The following PDCD6IP variants were observed in gnomAD, a reference collection of about 807,000 sequenced individuals.
PDCD6IP encodes the protein programmed cell death 6 interacting protein.
Under a neutral mutation model 103.7 loss-of-function variants are expected in PDCD6IP, and 43 were observed. That is an observed-to-expected ratio of 0.41 (90% CI 0.32 to 0.53). PDCD6IP has a LOEUF of 0.53. Ranked by LOEUF, PDCD6IP falls within the 20% of genes least tolerant of loss-of-function variation. PDCD6IP has a pLI of 0.16. For missense variants in PDCD6IP, 871 were observed against 1,036.7 expected (o/e 0.84, Z 2.20); for synonymous variants, 354 against 378.7 (o/e 0.93, Z 0.76).
At chr3:33,825,538 G>A (rs1218298051) in intron 5 of PDCD6IP, among the ~76,000 whole-genome samples, 198 bp downstream of exon 5, 1 of 152,182 alleles carries the variant, frequency 6.6e-6, no homozygotes, top group Non-Finnish European at 1.5e-5. Context: ...TGTGTTTGAA[G>A]TCATGAAATA....
At chr3:33,865,123 G>A (rs1006018534) in intron 16 of PDCD6IP, 120 bp from the exon 17 acceptor site, 6 of 625,150 alleles carry the variant, frequency 9.6e-6, no homozygotes, top group Non-Finnish European at 1.5e-5. Context: ...TTAAGAATGG[G>A]AATTAAAAAT....
chr3:33,824,888 C>T (rs1382539236), intron 4 of PDCD6IP, among the ~76,000 whole-genome samples: 2 of 152,216 alleles, frequency 1.3e-5, no homozygotes, highest in Non-Finnish European at 2.9e-5. Flanking sequence ...CCTCTATTCT[C>T]ATGTTAATTT....
At chr3:33,851,874 C>T (rs961494357) in intron 12 of PDCD6IP, among the ~76,000 whole-genome samples, 1 of 152,164 alleles carries the variant, frequency 6.6e-6, no homozygotes, top group Non-Finnish European at 1.5e-5. Flanking sequence ...CTATTTCTTT[C>T]TCCATCTACC....
chr3:33,810,583 A>G (rs898097572), intron 1 of PDCD6IP, among the ~76,000 whole-genome samples: 14 of 152,208 alleles, frequency 9.2e-5, no homozygotes, highest in Non-Finnish European at 1.9e-4. Context: ...TAGCATATAC[A>G]TTTAGGAAAT....
chr3:33,863,979 A>G (rs11922311), intron 15 of PDCD6IP, 27 bp from the exon 16 acceptor site: 184,506 of 1,508,540 alleles, frequency 0.12, 15,970 homozygotes, highest in East Asian at 0.38. Flanking sequence ...CTATCATGTT[A>G]ATTTTTAACA....
At chr3:33,818,779 A>C (rs1696921899) in intron 3 of PDCD6IP, among the ~76,000 whole-genome samples, 1 of 151,744 alleles carries the variant, frequency 6.6e-6, no homozygotes, top group Non-Finnish European at 1.5e-5. Flanking sequence ...AGCCTCCCAA[A>C]GTGCTGAGAT....
At position 33,869,480 on chromosome 3, in the gene PDCD6IP, T is replaced by G. The variant is rs943994437; in HGVS notation, c.*2955T>G. On this transcript the variant is annotated 3_prime_UTR_variant, in exon 18 of 18. Coordinates refer to ENST00000307296, the MANE Select transcript of PDCD6IP (RefSeq NM_013374.6). Reference sequence around the variant, plus strand: ...GAGCAAAGAAGGAAAAATTATATTTTTAAAGAAAGAGAATATTCAGGCTTT... The same window carrying G: ...GAGCAAAGAAGGAAAAATTATATTTGTAAAGAAAGAGAATATTCAGGCTTT... The G allele has an allele frequency of 1.3e-5, 2 of 152,236 alleles. No homozygotes were observed. The highest frequency in any genetic ancestry group is 4.8e-5 in the African/African-American group (2 of 41,472). 9.4% of individuals were successfully genotyped at this position (152,236 alleles called of 1,614,324 possible).
intron 1 of PDCD6IP, 54 bp downstream of exon 1, chr3:33,798,991 C>T (rs1696401147): frequency 1.4e-6 from 2 of 1,410,236 alleles, no homozygotes; most frequent in African/African-American, 1.4e-5. Context: ...GCTCGCCGCT[C>T]CTCTTCCCGT....
chr3:33,841,727 C>T (rs534711042), intron 9 of PDCD6IP, among the ~76,000 whole-genome samples, 170 bp from the exon 10 acceptor site: 43 of 152,110 alleles, frequency 2.8e-4, no homozygotes, highest in Non-Finnish European at 4.3e-4. Flanking sequence ...CGTGAGCCAC[C>T]GCGCCCGGCC....
chr3:33,833,977 C>T (rs139883990), intron 7 of PDCD6IP, among the ~76,000 whole-genome samples: 1 of 135,960 alleles, frequency 7.4e-6, no homozygotes, highest in Non-Finnish European at 1.7e-5. Context: ...ACCTGTGCTT[C>T]CCTGAATTCC....
At chr3:33,846,960 T>C (rs951213205) in intron 12 of PDCD6IP, among the ~76,000 whole-genome samples, 5 of 152,306 alleles carry the variant, frequency 3.3e-5, no homozygotes, top group African/African-American at 1.2e-4. Context: ...CATAGTTGAA[T>C]GTGCATTGAA....
chr3:33,841,116 C>T (rs2125565634), intron 9 of PDCD6IP, among the ~76,000 whole-genome samples: 1 of 151,660 alleles, frequency 6.6e-6, no homozygotes, highest in Non-Finnish European at 1.5e-5. Flanking sequence ...CAACCTTCGC[C>T]TCCCGGCTTC....
intron 3 of PDCD6IP, among the ~76,000 whole-genome samples, chr3:33,814,144 CTTTT>C (rs79094226): frequency 4.4e-5 from 6 of 136,212 alleles, no homozygotes; most frequent in Non-Finnish European, 4.8e-5. Flanking sequence ...TCATTGGATT[CTTTT>C]TTTTTTTTTT....
At position 33,852,715 on chromosome 3, in the gene PDCD6IP, G is replaced by A. The variant is rs1048450912; in HGVS notation, c.1869G>A (p.Glu623=). The A allele has an allele frequency of 1.1e-5, 18 of 1,580,480 alleles. No individual in the cohort carries two copies. The highest frequency in any genetic ancestry group is 1.5e-5 in the Non-Finnish European group (18 of 1,170,714). Residue 623 remains glutamate (E), a synonymous_variant, in exon 13 of 18, where the codon GAG becomes GAA. Coordinates refer to ENST00000307296, the MANE Select transcript of PDCD6IP (RefSeq NM_013374.6). The part of the protein sequence containing the change: ...TKVQESLKKQ[E]GLLKNIQVSH... ...TCCAAGAATCTCTAAAGAAACAGGA[G>A]GGACTTCTTAAAAATATTCAGGTGA... is the stretch of plus-strand genomic sequence containing the variant.
At chr3:33,838,885 A>G (rs1697410349) in intron 9 of PDCD6IP, among the ~76,000 whole-genome samples, 1 of 151,934 alleles carries the variant, frequency 6.6e-6, no homozygotes, top group Non-Finnish European at 1.5e-5. Context: ...GGCTCACTGC[A>G]GTCTCAACCT....
Position 33,836,125 on chromosome 3 carries a change from C to T in PDCD6IP, c.916C>T (p.Arg306Cys), listed in dbSNP as rs770467364. 15 of 1,610,578 alleles carry T rather than the reference C, an allele frequency of 9.3e-6. No individual in the cohort carries two copies. The highest frequency in any genetic ancestry group is 2.7e-5 in the African/African-American group (2 of 74,766). Residue 306 changes from arginine to cysteine, a missense_variant, in exon 8 of 18, where the codon CGT becomes TGT. Coordinates refer to ENST00000307296, the MANE Select transcript of PDCD6IP (RefSeq NM_013374.6). ...NVKDFSDKIN[R>C]ALAAAKKDND... ...GAAGGATTTTTCTGACAAAATCAAT[C>T]GTGCCCTTGCTGCAGCAAAGAAGGA...
chr3:33,867,895 CTG>C lies in PDCD6IP; in HGVS notation c.*1372_*1373del, dbSNP rs1172956367. On this transcript the variant is annotated 3_prime_UTR_variant, in exon 18 of 18. Coordinates refer to ENST00000307296, the MANE Select transcript of PDCD6IP (RefSeq NM_013374.6). Reference sequence around the variant, plus strand: ...TTTAATGATAGTGTTACTTGTCCCACTGTTGTTTTCATTGAGTTTGGATTTAT... The same window carrying C: ...TTTAATGATAGTGTTACTTGTCCCACTTGTTTTCATTGAGTTTGGATTTAT... 1.3e-5 allele frequency: 2 copies of C among 152,132 alleles called. No individual in the cohort carries two copies. Among genetic ancestry groups the C allele is most frequent in the African/African-American group, 4.8e-5 (2 of 41,426 alleles). The allele number at this position is 152,132 out of a possible 1,614,324, so 9.4% of individuals were successfully genotyped here. A position where few individuals can be genotyped will look rare whatever the true frequency, so the allele number is the denominator to read the frequency against.
At chr3:33,838,436 AG>A (rs1474538575) in intron 9 of PDCD6IP, 109 bp downstream of exon 9, 1 of 997,174 alleles carries the variant, frequency 1.0e-6, no homozygotes, top group Non-Finnish European at 1.5e-6. Context: ...TATATAAAAT[AG>A]AAAATGTAGA....
intron 16 of PDCD6IP, 94 bp from the exon 17 acceptor site, chr3:33,865,149 C>A: frequency 1.3e-6 from 1 of 777,796 alleles, no homozygotes; most frequent in Non-Finnish European, 1.9e-6. Flanking sequence ...TGGTTGGATT[C>A]TAGAGTTTCT....
Sources: allele counts gnomAD v4.1 joint callset (sites outside exome capture counted in the v4.1 genomes callset), GRCh38; gene constraint gnomAD v4.1.1; transcripts MANE v1.5; gene names NCBI Gene and HGNC (gene_info 2026-07-23, HGNC 2026-07-21).